GALNTL6: variants seen among roughly 807,000 people sequenced by gnomAD.
GALNTL6 encodes polypeptide N-acetylgalactosaminyltransferase like 6.
Under a neutral mutation model 73.7 loss-of-function variants are expected in GALNTL6, and 46 were observed. The ratio of observed to expected loss-of-function variants is 0.62; its 90% confidence interval spans 0.49 to 0.80. The LOEUF is 0.80. GALNTL6 is among the 30% of genes least tolerant of loss of function. GALNTL6 has a pLI of 0.00. For synonymous variants in GALNTL6, 259 were observed against 263.7 expected, an observed-to-expected ratio of 0.98 and a Z score of 0.17; for missense variants, 604 against 755.0, an observed-to-expected ratio of 0.80 and a Z score of 2.34.
At chr4:172,342,621 A>T (rs73868967) in intron 4 of GALNTL6, among the ~76,000 whole-genome samples, 3,728 of 152,300 alleles carry the variant, frequency 0.024, 158 homozygotes, top group African/African-American at 0.084. Flanking sequence ...GCTTCTATGG[A>T]TGTGGGACTG....
intron 5 of GALNTL6, among the ~76,000 whole-genome samples, chr4:172,703,872 A>T (rs768285862): frequency 4.0e-5 from 6 of 151,874 alleles, no homozygotes; most frequent in Non-Finnish European, 5.9e-5. Context: ...CAACCTCTTT[A>T]TCCATTATTG....
At chr4:171,853,012 A>ATT (rs765984611) in intron 2 of GALNTL6, among the ~76,000 whole-genome samples, 5,240 of 86,802 alleles carry the variant, frequency 0.06, 289 homozygotes, top group African/African-American at 0.14. Context: ...CGCCCGGCTA[A>ATT]TTTTTTTTTT....
intron 7 of GALNTL6, among the ~76,000 whole-genome samples, chr4:172,838,612 A>G (rs1305520171): frequency 1.3e-5 from 2 of 152,184 alleles, no homozygotes; most frequent in Non-Finnish European, 2.9e-5. Flanking sequence ...ATAAAATACA[A>G]TGTTTAAAGG....
At chr4:172,830,493 A>G (rs889346029) in intron 7 of GALNTL6, among the ~76,000 whole-genome samples, 1 of 152,226 alleles carries the variant, frequency 6.6e-6, no homozygotes, top group African/African-American at 2.4e-5. Flanking sequence ...GAAAACGGAC[A>G]AAAGGTCAAA....
chr4:172,989,026 T>A (rs1237145218), intron 10 of GALNTL6, among the ~76,000 whole-genome samples: 1 of 152,194 alleles, frequency 6.6e-6, no homozygotes, highest in Non-Finnish European at 1.5e-5. Context: ...AGGGCCCTCA[T>A]ACAGGGTCCT....
intron 5 of GALNTL6, among the ~76,000 whole-genome samples, chr4:172,453,192 ACT>A (rs1467107716): frequency 6.7e-6 from 1 of 150,086 alleles, no homozygotes; most frequent in Admixed American, 6.6e-5. Flanking sequence ...ACAGCACAAG[ACT>A]CTGTCTCAGA....
At position 172,427,993 on chromosome 4, in the gene GALNTL6, C is replaced by T. The variant is rs1304532556; in HGVS notation, c.553+79304C>T. On this transcript the variant is annotated intron_variant, in intron 5 of 12. Coordinates refer to ENST00000506823, the MANE Select transcript of GALNTL6 (RefSeq NM_001034845.3). ...ATAATGGAGGGTAGAACTAATTTAC[C>T]CTGCAGTATCTATTTGTTGTCTGGG... Among the ~76,000 whole-genome samples the T allele has an allele frequency of 2.0e-5, 3 of 152,088 alleles. No individual in the cohort carries two copies. The East Asian group carries it at 5.8e-4, about 29-fold the overall frequency.
At chr4:172,156,667 C>CAATTATTTG (rs541022898) in intron 2 of GALNTL6, among the ~76,000 whole-genome samples, 13 of 150,122 alleles carry the variant, frequency 8.7e-5, no homozygotes, top group Non-Finnish European at 1.9e-4. Flanking sequence ...GAGAGATAGG[C>CAATTATTTG]AATTATTTGT....
chr4:171,980,477 T>C (rs80160740), intron 2 of GALNTL6, among the ~76,000 whole-genome samples: 3,979 of 152,236 alleles, frequency 0.026, 187 homozygotes, highest in African/African-American at 0.091. Flanking sequence ...TGGATTTGAA[T>C]TTTTTTGAAA....
At chr4:171,891,440 G>C (rs1256898290) in intron 2 of GALNTL6, among the ~76,000 whole-genome samples, 1 of 152,080 alleles carries the variant, frequency 6.6e-6, no homozygotes, top group Non-Finnish European at 1.5e-5. Flanking sequence ...AAAATTATTT[G>C]TATGTTGTTG....
At chr4:172,138,502 TATATATA>T (rs1733707239) in intron 2 of GALNTL6, among the ~76,000 whole-genome samples, 1 of 12,632 alleles carries the variant, frequency 7.9e-5, no homozygotes, top group Non-Finnish European at 2.0e-4. Context: ...TATATATATA[TATATATA>T]TATATTTTTT....
At chr4:171,838,242 G>A (rs1735153182) in intron 2 of GALNTL6, among the ~76,000 whole-genome samples, 1 of 151,864 alleles carries the variant, frequency 6.6e-6, no homozygotes, top group African/African-American at 2.4e-5. Context: ...TCCTGACTCA[G>A]CCTCCCAAGA....
At chr4:172,271,636 A>G (rs1334292927) in intron 3 of GALNTL6, among the ~76,000 whole-genome samples, 1 of 152,080 alleles carries the variant, frequency 6.6e-6, no homozygotes, top group African/African-American at 2.4e-5. Context: ...ATATTTATTC[A>G]TTTATGTAAT....
At chr4:171,883,828 T>C (rs1471864233) in intron 2 of GALNTL6, among the ~76,000 whole-genome samples, 2 of 151,970 alleles carry the variant, frequency 1.3e-5, no homozygotes, top group Non-Finnish European at 2.9e-5. Flanking sequence ...TTTGTATTTT[T>C]AGTAGAGATG....
At chr4:172,385,317 C>A (rs184690123) in intron 5 of GALNTL6, among the ~76,000 whole-genome samples, 2 of 152,038 alleles carry the variant, frequency 1.3e-5, no homozygotes. Flanking sequence ...TTTAAGTCTT[C>A]TGTTTTCTTC....
rs1744315419 is a variant in GALNTL6 at position 172,859,975 on chromosome 4, AT to A, written c.924-22813del. ...TTTCTACATTATGGTGAGCCGTATA[AT>A]TATTTCATTATACATTACAATGTCA... On this transcript the variant is annotated intron_variant, in intron 7 of 12. Transcript: ENST00000506823. Among the ~76,000 whole-genome samples the A allele has an allele frequency of 2.0e-5, 3 of 152,308 alleles. No individual in the cohort carries two copies. In the South Asian group the frequency reaches 6.2e-4, roughly 32 times the overall value.
At chr4:172,371,741 G>A (rs1183136196) in intron 5 of GALNTL6, among the ~76,000 whole-genome samples, 2 of 150,670 alleles carry the variant, frequency 1.3e-5, no homozygotes, top group African/African-American at 4.9e-5. Context: ...CTTTGACTTT[G>A]TCTCTCTCTT....
At chr4:172,120,862 A>C (rs1294607218) in intron 2 of GALNTL6, among the ~76,000 whole-genome samples, 1 of 151,970 alleles carries the variant, frequency 6.6e-6, no homozygotes, top group Non-Finnish European at 1.5e-5. Context: ...ACTAAGTTGG[A>C]GAGTTTTTGG....
intron 5 of GALNTL6, among the ~76,000 whole-genome samples, chr4:172,462,834 G>T (rs968287302): frequency 6.6e-6 from 1 of 152,154 alleles, no homozygotes; most frequent in African/African-American, 2.4e-5. Flanking sequence ...TTCAGCCTTA[G>T]ACAGCAGGTA....
Sources: gnomAD v4.1 joint callset for allele counts (sites outside exome capture counted in the v4.1 genomes callset) on GRCh38, gnomAD v4.1.1 for gene constraint, MANE v1.5 for transcripts, NCBI Gene and HGNC (gene_info 2026-07-23, HGNC 2026-07-21) for gene names.